Variants in SDSL observed in about 807,000 individuals in gnomAD.
SDSL encodes serine dehydratase-like.
Under a neutral mutation model 27.6 loss-of-function variants are expected in SDSL, and 26 were observed. That is an observed-to-expected ratio of 0.94 (90% CI 0.69 to 1.31). SDSL has a LOEUF of 1.31. Among genes scored for constraint, SDSL ranks in the 50% most tolerant of loss-of-function variants. The pLI, the probability that SDSL is intolerant of heterozygous loss-of-function variation, is 0.00. For missense variants in SDSL, 431 were observed against 423.5 expected (o/e 1.02, Z -0.16); for synonymous variants, 196 against 180.6 (o/e 1.09, Z -0.69).
intron 1 of SDSL, among the ~76,000 whole-genome samples, chr12:113,424,076 C>T (rs529738834): frequency 2.6e-5 from 4 of 152,278 alleles, no homozygotes; most frequent in East Asian, 1.9e-4. Flanking sequence ...GGCGCGATCT[C>T]GGCTCACTGC....
intron 1 of SDSL, chr12:113,426,295 C>T (rs1006680526): frequency 1.3e-5 from 6 of 455,732 alleles, no homozygotes; most frequent in Admixed American, 1.2e-4. Flanking sequence ...CTTTCAAGAA[C>T]GTACAGATGG....
intron 4 of SDSL, among the ~76,000 whole-genome samples, chr12:113,430,805 C>T (rs1187523789): frequency 2.0e-5 from 3 of 152,182 alleles, no homozygotes; most frequent in East Asian, 3.8e-4. Flanking sequence ...CTGTGGTGTG[C>T]ACCTGTAGTC....
rs771261383 is a variant in SDSL, at chr12:113,437,969, G to A, written c.880G>A (p.Glu294Lys). ...AGGCCTCCTGCGGAGGCTCCAGGCC[G>A]AGGGCTGCCTGCCCCCTTCCCTGAC... ...YSGLLRRLQAEGCLPPSLTSV... is the reference protein window; with the variant it reads ...YSGLLRRLQAKGCLPPSLTSV... Residue 294 changes from glutamate to lysine, a missense_variant, in exon 8 of 8, where the codon GAG becomes AAG. Physicochemically the swap from Glu to Lys is moderately conservative, Grantham distance 56. Transcript: ENST00000403593. 8.7e-6 allele frequency: 14 copies of A among 1,614,036 alleles called. No homozygotes were observed. Among genetic ancestry groups the A allele is most frequent in the East Asian group, 6.7e-5 (3 of 44,892 alleles).
rs1460987257 is a variant in SDSL at position 113,428,499 on chromosome 12, G to A, written c.214+40G>A. ...TTTTGTTTCATGGGCAGAGGTTGGG[G>A]GAGGAGGAATAGGCTGGAGCGGCAG... On this transcript the variant is annotated intron_variant, in intron 3 of 7. Transcript: ENST00000403593. 10 of 1,591,658 alleles carry A rather than the reference G, an allele frequency of 6.3e-6. No individual in the cohort carries two copies. The Admixed American group carries it at 8.7e-5, about 14-fold the overall frequency.
chr12:113,428,019 C>A lies in SDSL; in HGVS notation c.37C>A (p.Pro13Thr). The A allele has an allele frequency of 1.2e-6, 2 of 1,613,568 alleles. No homozygotes were observed. Among genetic ancestry groups the A allele is most frequent in the South Asian group, 1.1e-5 (1 of 90,916 alleles). Residue 13 changes from proline (P) to threonine (T), a missense_variant, in exon 2 of 8, where the codon CCC becomes ACC. Coordinates refer to ENST00000403593, the MANE Select transcript of SDSL (RefSeq NM_001304993.2). ...TGTGGCAGAGCATGCCAAGCAGGAGCCCTTTCACGTGGTCACACCTCTGTT... is the reference window on the plus strand; with the variant it reads ...TGTGGCAGAGCATGCCAAGCAGGAGACCTTTCACGTGGTCACACCTCTGTT... The part of the protein sequence containing the change: ...GPVAEHAKQE[P>T]FHVVTPLLES...
intron 1 of SDSL, 133 bp from the exon 2 acceptor site, chr12:113,427,829 G>A (rs917491283): frequency 1.4e-6 from 1 of 726,624 alleles, no homozygotes; most frequent in Admixed American, 2.9e-5. Context: ...CTTGATGGGG[G>A]TCTCACAGCT....
At chr12:113,431,842 C>T (rs1022700184) in intron 4 of SDSL, among the ~76,000 whole-genome samples, 5 of 151,594 alleles carry the variant, frequency 3.3e-5, no homozygotes, top group African/African-American at 1.2e-4. Context: ...GGGTTCACAC[C>T]GTTCTCCTGC....
Position 113,438,137 on chromosome 12 carries a change from G to C in SDSL, c.*58G>C. On this transcript the variant is annotated 3_prime_UTR_variant, in exon 8 of 8. Transcript: ENST00000403593. ...AGGCCCATGGACAGTCCTGTGTCTG[G>C]ATGAGGAGGACTCAGTGCTGGCAGA... The C allele has an allele frequency of 1.4e-6, 2 of 1,426,954 alleles. No homozygotes were observed. Among genetic ancestry groups the C allele is most frequent in the African/African-American group, 1.4e-5 (1 of 70,220 alleles). 88.4% of individuals were successfully genotyped at this position (1,426,954 alleles called of 1,614,324 possible).
intron 7 of SDSL, 22 bp downstream of exon 7, chr12:113,436,897 C>T (rs1325300251): frequency 1.4e-5 from 22 of 1,546,940 alleles, no homozygotes; most frequent in Non-Finnish European, 1.8e-5. Flanking sequence ...CTGTCCTCCA[C>T]CTGGGCTCAG....
chr12:113,425,644 T>C, intron 1 of SDSL: 1 of 455,382 alleles, frequency 2.2e-6, no homozygotes, highest in South Asian at 1.6e-5. Context: ...ATTTCCTCCA[T>C]CTCTTCTTTT....
chr12:113,431,208 G>A (rs1261966670), intron 4 of SDSL, among the ~76,000 whole-genome samples: 1 of 152,226 alleles, frequency 6.6e-6, no homozygotes, highest in Non-Finnish European at 1.5e-5. Flanking sequence ...GATGGTGAAA[G>A]GTGAGGCTGA....
intron 1 of SDSL, chr12:113,423,007 C>T (rs1343469117): frequency 6.6e-6 from 1 of 152,256 alleles, no homozygotes; most frequent in African/African-American, 2.4e-5. Flanking sequence ...CCATTTCAGC[C>T]CTGGTGGCTG....
chr12:113,430,690 C>T (rs1264209275), intron 4 of SDSL, among the ~76,000 whole-genome samples: 1 of 152,180 alleles, frequency 6.6e-6, no homozygotes, highest in Non-Finnish European at 1.5e-5. Flanking sequence ...CTGAGACCAA[C>T]ATCAATGGGG....
intron 7 of SDSL, 146 bp from the exon 8 acceptor site, chr12:113,437,740 A>C: frequency 1.4e-6 from 1 of 721,762 alleles, no homozygotes; most frequent in Non-Finnish European, 2.3e-6. Flanking sequence ...GGAGAGCGTG[A>C]GACAAGTGAT....
intron 1 of SDSL, chr12:113,425,901 A>T: frequency 2.7e-6 from 1 of 375,338 alleles, no homozygotes; most frequent in South Asian, 2.0e-5. Flanking sequence ...AGGCAGGAGA[A>T]TCGCTTGAAC....
intron 4 of SDSL, among the ~76,000 whole-genome samples, chr12:113,431,515 A>C (rs1008899904): frequency 6.6e-6 from 1 of 151,608 alleles, no homozygotes; most frequent in African/African-American, 2.4e-5. Flanking sequence ...TTCATGATGG[A>C]GAGGTTTGGG....
intron 5 of SDSL, 36 bp from the exon 6 acceptor site, chr12:113,435,293 C>G: frequency 7.0e-7 from 1 of 1,427,256 alleles, no homozygotes; most frequent in Non-Finnish European, 9.3e-7. Flanking sequence ...GGGGTCCTCC[C>G]TCACTCTGCT....
intron 3 of SDSL, 130 bp from the exon 4 acceptor site, chr12:113,429,030 T>G: frequency 9.4e-7 from 1 of 1,062,798 alleles, no homozygotes; most frequent in Non-Finnish European, 1.3e-6. Context: ...CCCTCTTGAG[T>G]GGAGGAAGGA....
chr12:113,429,926 C>T (rs1957899368), intron 4 of SDSL, among the ~76,000 whole-genome samples: 1 of 151,610 alleles, frequency 6.6e-6, no homozygotes, highest in Admixed American at 6.6e-5. Context: ...TTCCCTCCCT[C>T]TCTTCTTCTT....
Sources: gnomAD v4.1 joint callset for allele counts (sites outside exome capture counted in the v4.1 genomes callset) on GRCh38, gnomAD v4.1.1 for gene constraint, MANE v1.5 for transcripts, NCBI Gene and HGNC (gene_info 2026-07-23, HGNC 2026-07-21) for gene names.